DDX31: variants seen among roughly 807,000 people sequenced by gnomAD.
The protein encoded by DDX31 is ATP-dependent DNA helicase DDX31.
DDX31 carries 70 observed loss-of-function variants against 91.3 expected under a neutral mutation model. The ratio of observed to expected loss-of-function variants is 0.77; its 90% confidence interval spans 0.63 to 0.94. DDX31 has a LOEUF of 0.94. Ranked by LOEUF, DDX31 falls within the 40% of genes least tolerant of loss-of-function variation. The pLI is 0.00. For missense variants in DDX31, 902 were observed against 925.0 expected (o/e 0.98, Z 0.32); for synonymous variants, 362 against 350.6 (o/e 1.03, Z -0.36).
intron 14 of DDX31, among the ~76,000 whole-genome samples, chr9:132,638,910 G>A (rs139873679): frequency 3.7e-4 from 56 of 152,216 alleles, no homozygotes; most frequent in African/African-American, 1.3e-3. Flanking sequence ...AAAGGATCTC[G>A]GGATGATAAA....
At chr9:132,633,274 G>A (rs549550278) in intron 14 of DDX31, among the ~76,000 whole-genome samples, 3 of 152,234 alleles carry the variant, frequency 2.0e-5, no homozygotes, top group East Asian at 3.9e-4. Context: ...GCTGCTGGTG[G>A]GAATCCCTAT....
At position 132,646,910 on chromosome 9, in the gene DDX31, T is replaced by A. The variant is rs138761694; in HGVS notation, c.1116A>T (p.Ile372=). The A allele has an allele frequency of 2.3e-5, 37 of 1,614,192 alleles. No individual in the cohort carries two copies. Among genetic ancestry groups the A allele is most frequent in the Non-Finnish European group, 3.1e-5 (37 of 1,180,040 alleles). ...TCACATGCTGCTTGAGACTCTCTGG[T>A]ATTGCAAAGCTGTCCAGCTTGTCGC... is the stretch of plus-strand genomic sequence containing the variant. ...PAGDKLDSFA[I]PESLKQHVTV... The change falls in exon 12 of 20, where the codon ATA becomes ATT. Residue 372 remains isoleucine (I), a synonymous_variant. Transcript: ENST00000372159.
At chr9:132,658,364 A>G in intron 6 of DDX31, 1 of 703,298 alleles carries the variant, frequency 1.4e-6, no homozygotes, top group Non-Finnish European at 2.6e-6. Context: ...AATACCTATA[A>G]CACAGTGGGG....
At chr9:132,603,551 C>G (rs79448831) in intron 19 of DDX31, among the ~76,000 whole-genome samples, 1,933 of 152,310 alleles carry the variant, frequency 0.013, 35 homozygotes, top group African/African-American at 0.044. Flanking sequence ...ACCTGGGGGA[C>G]TGTCATGTTC....
chr9:132,654,470 A>G (rs1834420057), intron 6 of DDX31, among the ~76,000 whole-genome samples: 1 of 151,956 alleles, frequency 6.6e-6, no homozygotes, highest in Non-Finnish European at 1.5e-5. Flanking sequence ...AAAATTAGCC[A>G]GGCGTGGTGG....
At chr9:132,641,910 G>A (rs866964237) in intron 14 of DDX31, 94 bp downstream of exon 14, 1 of 1,338,242 alleles carries the variant, frequency 7.5e-7, no homozygotes, top group East Asian at 2.3e-5. Context: ...GGCCCTGTAG[G>A]ACTGACCACA....
chr9:132,630,328 T>A lies in DDX31; in HGVS notation c.1567A>T (p.Ser523Cys), dbSNP rs1564303067. Residue 523 changes from serine to cysteine, a missense_variant, in exon 16 of 20, where the codon AGC becomes TGC. Coordinates refer to ENST00000372159, the MANE Select transcript of DDX31 (RefSeq NM_022779.9). ...TCCGAAGGAGCCAAAATGAGCAGGC[T>A]GCTCCCATGGCAGCCAATCCGGGCG... ...RTARIGCHGS[S>C]LLILAPSEAE... The A allele has an allele frequency of 6.2e-7, 1 of 1,603,580 alleles. No individual in the cohort carries two copies. The highest frequency in any genetic ancestry group is 8.5e-7 in the Non-Finnish European group (1 of 1,171,346).
chr9:132,666,992 C>A (rs147420253), intron 1 of DDX31, among the ~76,000 whole-genome samples: 3 of 151,446 alleles, frequency 2.0e-5, no homozygotes, highest in Non-Finnish European at 4.4e-5. Context: ...GGATTACAGG[C>A]GTGAGCCACT....
chr9:132,659,867 C>T (rs1472733705), intron 4 of DDX31, 87 bp from the exon 5 acceptor site: 2 of 1,278,710 alleles, frequency 1.6e-6, no homozygotes, highest in East Asian at 2.5e-5. Flanking sequence ...CAACTGCCCA[C>T]ACTTGGATTC....
Position 132,662,642 on chromosome 9 carries a change from C to A in DDX31, c.129G>T (p.Ala43=). ...GAAATGAAGTTTCGTTCCTCCGTTT[C>A]GCTGGGGGAGCCTCACTGGACGCTT... is the stretch of plus-strand genomic sequence containing the variant. ...KYQASSEAPP[A]KRRNETSFLP... is the part of the protein sequence containing the mutation. Residue 43 remains alanine, a synonymous_variant, in exon 2 of 20, where the codon GCG becomes GCT. Coordinates refer to ENST00000372159, the MANE Select transcript of DDX31 (RefSeq NM_022779.9). The A allele has an allele frequency of 1.9e-6, 3 of 1,614,148 alleles. No individual in the cohort carries two copies. Among genetic ancestry groups the A allele is most frequent in the Non-Finnish European group, 2.5e-6 (3 of 1,180,006 alleles).
Position 132,618,347 on chromosome 9 carries a change from A to T in DDX31, c.1808T>A (p.Val603Asp). The T allele has an allele frequency of 6.2e-7, 1 of 1,607,726 alleles. No homozygotes were observed. The highest frequency in any genetic ancestry group is 8.5e-7 in the Non-Finnish European group (1 of 1,177,504). Residue 603 changes from valine to aspartate, a missense_variant, in exon 18 of 20, where the codon GTC becomes GAC. By Grantham distance (152) the Val-to-Asp change is radical. Transcript: ENST00000372159. The part of the protein sequence containing the change: ...EDYVHSSERR[V>D]SWAKKALQSF... ...CGACTGACCTTTCTTTGCCCAGGAG[A>T]CCCTCCTCTCACTGGAGTGCACGTA...
Position 132,618,316 on chromosome 9 carries a change from G to C in DDX31, c.1825+14C>G, listed in dbSNP as rs777032244. 6.2e-7 allele frequency: 1 copy of C among 1,603,514 alleles called. No individual in the cohort carries two copies. The highest frequency in any genetic ancestry group is 8.5e-7 in the Non-Finnish European group (1 of 1,174,710). ...GGGCTATCCACTGCGCAAGCACCTA[G>C]GAAATCGACTGACCTTTCTTTGCCC... is the stretch of plus-strand genomic sequence containing the variant. On this transcript the variant is annotated intron_variant, in intron 18 of 19. Transcript: ENST00000372159.
At position 132,595,660 on chromosome 9, in the gene DDX31, C is replaced by T. The variant is rs923359858; in HGVS notation, c.1995-548G>A. ...TGACAGCCAGATAGCTCTTTATGAA[C>T]GGAAAAAACTCTTAAACATATTTCT... On this transcript the variant is annotated intron_variant, in intron 19 of 19. Coordinates refer to ENST00000372159, the MANE Select transcript of DDX31 (RefSeq NM_022779.9). The surrounding 1 kb of genome is among the most constrained non-coding windows in gnomAD (Gnocchi z 4.6). Among the ~76,000 whole-genome samples the T allele has an allele frequency of 6.6e-5, 10 of 152,124 alleles. No individual in the cohort carries two copies. The highest frequency in any genetic ancestry group is 1.9e-4 in the African/African-American group (8 of 41,414).
At chr9:132,651,153 A>C in intron 7 of DDX31, 37 bp from the exon 8 acceptor site, 1 of 1,507,918 alleles carries the variant, frequency 6.6e-7, no homozygotes, top group Non-Finnish European at 9.0e-7. Flanking sequence ...GATGAACAGG[A>C]TCCCCCTTTT....
chr9:132,631,946 GA>G, intron 15 of DDX31, 94 bp downstream of exon 15: 1 of 1,134,582 alleles, frequency 8.8e-7, no homozygotes, highest in South Asian at 1.5e-5. Flanking sequence ...CAACACCCAA[GA>G]GGATAATAAT....
intron 1 of DDX31, among the ~76,000 whole-genome samples, chr9:132,668,207 T>C (rs2130874196): frequency 6.6e-6 from 1 of 152,298 alleles, no homozygotes; most frequent in East Asian, 1.9e-4. Context: ...TTCTGTCCTG[T>C]AGTCCTCTTT....
Position 132,594,954 on chromosome 9 carries a change from G to T in DDX31, c.2153C>A (p.Thr718Lys). The stretch of plus-strand genomic sequence containing the variant: ...TGTTTTCCCACGGCCAAAGCAGGGT[G>T]TCGGCTGCAGACTGTGCTGCAGGGG... ...GRPLQHSLQP[T>K]PCFGRGKTLK... Residue 718 changes from threonine (T) to lysine (K), a missense_variant, in exon 20 of 20, where the codon ACA becomes AAA. Transcript: ENST00000372159. The T allele has an allele frequency of 6.2e-7, 1 of 1,614,180 alleles. No individual in the cohort carries two copies. Among genetic ancestry groups the T allele is most frequent in the African/African-American group, 1.3e-5 (1 of 75,036 alleles).
chr9:132,669,557 C>A (rs1037928987), intron 1 of DDX31: 33 of 1,447,356 alleles, frequency 2.3e-5, no homozygotes, highest in South Asian at 6.1e-5. Context: ...TGCGCCGGAA[C>A]TTCAGGTCCT....
chr9:132,618,487 A>C, intron 17 of DDX31, 46 bp from the exon 18 acceptor site: 1 of 1,533,700 alleles, frequency 6.5e-7, no homozygotes, highest in Non-Finnish European at 8.9e-7. Flanking sequence ...AGTCAAGGTC[A>C]GGAATAATGA....
Sources: allele counts gnomAD v4.1 joint callset (sites outside exome capture counted in the v4.1 genomes callset), GRCh38; gene constraint gnomAD v4.1.1; non-coding constraint Gnocchi (gnomAD v3.1); transcripts MANE v1.5; gene names NCBI Gene and HGNC (gene_info 2026-07-23, HGNC 2026-07-21).